WDR41: variants seen among roughly 807,000 people sequenced by gnomAD.
The protein encoded by WDR41 is WD repeat-containing protein 41.
Under a neutral mutation model 69.3 loss-of-function variants are expected in WDR41, and 63 were observed. That is an observed-to-expected ratio of 0.91 (90% CI 0.74 to 1.12). The LOEUF (loss-of-function observed/expected upper bound fraction) is 1.12. WDR41 is among the 50% of genes most tolerant of loss of function. WDR41 has a pLI of 0.00. For synonymous variants in WDR41, 185 were observed against 192.1 expected (o/e 0.96, Z 0.31); for missense variants, 543 against 534.5 (o/e 1.02, Z -0.16).
chr5:77,476,467 C>T (rs1007120734), intron 2 of WDR41, among the ~76,000 whole-genome samples: 32 of 152,266 alleles, frequency 2.1e-4, no homozygotes, highest in Non-Finnish European at 4.1e-4. Context: ...AGACTCACAG[C>T]GGATCTCCTG....
chr5:77,591,716 T>C (rs1280382478), intron 1 of WDR41, among the ~76,000 whole-genome samples: 1 of 152,166 alleles, frequency 6.6e-6, no homozygotes, highest in Admixed American at 6.5e-5. Context: ...CGTTTTTCTG[T>C]TATTGAATTC....
chr5:77,586,971 G>T (rs13174034), intron 1 of WDR41, among the ~76,000 whole-genome samples: 4 of 97,576 alleles, frequency 4.1e-5, no homozygotes, highest in Admixed American at 4.1e-4. Context: ...GCCTGCCTTG[G>T]CCTCCCAAAG....
intron 2 of WDR41, among the ~76,000 whole-genome samples, chr5:77,469,141 G>T (rs1800439625): frequency 6.6e-6 from 1 of 151,714 alleles, no homozygotes; most frequent in Admixed American, 6.6e-5. Flanking sequence ...TATCGCCAAG[G>T]ACAAAAAACC....
At chr5:77,555,265 G>A (rs1310551828) in intron 1 of WDR41, among the ~76,000 whole-genome samples, 1 of 152,122 alleles carries the variant, frequency 6.6e-6, no homozygotes, top group Non-Finnish European at 1.5e-5. Context: ...GGATCTTTCT[G>A]CGTTGTATCT....
chr5:77,470,845 T>C (rs916109070), intron 2 of WDR41, among the ~76,000 whole-genome samples: 25 of 143,070 alleles, frequency 1.7e-4, no homozygotes, highest in East Asian at 4.1e-4. Flanking sequence ...TTTAACACCC[T>C]ACTGTCAACA....
intron 2 of WDR41, among the ~76,000 whole-genome samples, chr5:77,475,187 T>C (rs1352230824): frequency 6.6e-6 from 1 of 152,160 alleles, no homozygotes; most frequent in Non-Finnish European, 1.5e-5. Flanking sequence ...GTCTCGCTAA[T>C]TGCTAGCACA....
chr5:77,436,201 AAGAGC>A, intron 12 of WDR41, 55 bp downstream of exon 12: 1 of 1,575,024 alleles, frequency 6.3e-7, no homozygotes. Flanking sequence ...ACTGAAAGAA[AAGAGC>A]AATGAAATGC....
intron 1 of WDR41, chr5:77,546,285 A>G (rs951607834): frequency 6.3e-6 from 2 of 317,072 alleles, no homozygotes; most frequent in African/African-American, 2.2e-5. Context: ...TACAAGAAAA[A>G]TAAAGTGAAT....
At chr5:77,551,717 A>T (rs746825175) in intron 1 of WDR41, among the ~76,000 whole-genome samples, 19 of 146,880 alleles carry the variant, frequency 1.3e-4, no homozygotes, top group Non-Finnish European at 1.5e-4. Flanking sequence ...GTGGCTGTTG[A>T]CTGTAGTACC....
intron 1 of WDR41, chr5:77,545,749 T>C (rs1025113014): frequency 1.6e-6 from 1 of 631,696 alleles, no homozygotes; most frequent in Non-Finnish European, 2.6e-6. Context: ...GTTCAAGGCG[T>C]TTGTTGCCTT....
intron 6 of WDR41, 85 bp from the exon 7 acceptor site, chr5:77,451,438 C>A: frequency 7.8e-7 from 1 of 1,274,776 alleles, no homozygotes; most frequent in Non-Finnish European, 1.1e-6. Context: ...TTATGTCAGT[C>A]GTTTTCCATA....
chr5:77,520,962 T>G (rs549983074), intron 1 of WDR41, among the ~76,000 whole-genome samples: 2 of 152,290 alleles, frequency 1.3e-5, no homozygotes, highest in South Asian at 4.1e-4. Context: ...CAGCAACTCA[T>G]TACTACCACC....
chr5:77,606,876 T>G (rs956542133), intron 1 of WDR41, among the ~76,000 whole-genome samples: 2 of 147,928 alleles, frequency 1.4e-5, no homozygotes, highest in Non-Finnish European at 3.0e-5. Context: ...GGTGAGGTCA[T>G]GCCTTGCCCC....
At chr5:77,455,494 A>C (rs572348236) in intron 5 of WDR41, among the ~76,000 whole-genome samples, 9 of 152,166 alleles carry the variant, frequency 5.9e-5, no homozygotes, top group African/African-American at 2.2e-4. Flanking sequence ...TTGTTTGTTG[A>C]TATGCTTTTG....
chr5:77,450,669 C>T (rs996925840), intron 7 of WDR41, among the ~76,000 whole-genome samples: 4 of 152,124 alleles, frequency 2.6e-5, no homozygotes, highest in African/African-American at 7.2e-5. Context: ...ACAGGCTTAC[C>T]GTCAATGTAC....
At chr5:77,598,021 TCTC>T (rs1580042600) in intron 1 of WDR41, among the ~76,000 whole-genome samples, 1 of 152,106 alleles carries the variant, frequency 6.6e-6, no homozygotes, top group Non-Finnish European at 1.5e-5. Flanking sequence ...TCTCAGATAA[TCTC>T]CTCAATTGTA....
chr5:77,554,965 C>T (rs60585480), intron 1 of WDR41, among the ~76,000 whole-genome samples: 25,826 of 151,792 alleles, frequency 0.17, 3,629 homozygotes, highest in African/African-American at 0.37. Flanking sequence ...CAGTGGCATA[C>T]ACCTGTAGCC....
At chr5:77,464,887 A>T (rs997358312) in intron 2 of WDR41, 78 bp from the exon 3 acceptor site, 5 of 1,422,936 alleles carry the variant, frequency 3.5e-6, no homozygotes, top group Admixed American at 3.5e-5. Flanking sequence ...ATCAAACCTT[A>T]TTAGTGGTAT....
At chr5:77,601,895 T>G (rs1744329499) in intron 1 of WDR41, among the ~76,000 whole-genome samples, 1 of 152,234 alleles carries the variant, frequency 6.6e-6, no homozygotes, top group South Asian at 2.1e-4. Context: ...ATGCATAGAA[T>G]GTGTAATGAT....
Sources: allele counts gnomAD v4.1 joint callset (sites outside exome capture counted in the v4.1 genomes callset), GRCh38; gene constraint gnomAD v4.1.1; transcripts MANE v1.5; gene names NCBI Gene and HGNC (gene_info 2026-07-23, HGNC 2026-07-21).